Variants in IPO7 observed in about 807,000 individuals in gnomAD.
IPO7 encodes importin 7.
In IPO7, 13 loss-of-function variants were observed where a neutral mutation model predicts 136.4. The observed-to-expected ratio is 0.10, with a 90% confidence interval of 0.06 to 0.15. IPO7 has a LOEUF of 0.15. IPO7 is among the 10% of genes least tolerant of loss of function. The probability of loss-of-function intolerance (pLI) is 1.00; values close to 1 mark genes in which losing one functional copy is unlikely to be tolerated. For synonymous variants in IPO7, 403 were observed against 404.4 expected, an observed-to-expected ratio of 1.00 and a Z score of 0.04; for missense variants, 857 against 1,240.6, an observed-to-expected ratio of 0.69 and a Z score of 4.65.
intron 1 of IPO7, among the ~76,000 whole-genome samples, chr11:9,387,068 A>G (rs1302050385): frequency 6.6e-6 from 1 of 152,190 alleles, no homozygotes; most frequent in African/African-American, 2.4e-5. Context: ...TGGGAGACAG[A>G]TCTCAGACAA....
chr11:9,438,067 T>A lies in IPO7; in HGVS notation c.2490-13T>A. 2 of 1,394,844 alleles carry A rather than the reference T, an allele frequency of 1.4e-6. No homozygotes were observed. The highest frequency in any genetic ancestry group is 1.9e-6 in the Non-Finnish European group (2 of 1,038,772). 86.4% of individuals were successfully genotyped at this position (1,394,844 alleles called of 1,614,324 possible). ...ACAGTTTTTTTTTTTTTTTTTTTTT[T>A]TTTTTTTTTTAGGCTTCATGACAGA... On this transcript the variant is annotated splice_polypyrimidine_tract_variant and intron_variant, in intron 21 of 24. Transcript: ENST00000379719.
At chr11:9,445,049 A>AGTT (rs1234749529) in intron 24 of IPO7, 48 bp from the exon 25 acceptor site, 1 of 1,147,466 alleles carries the variant, frequency 8.7e-7, no homozygotes, top group South Asian at 1.2e-5. Context: ...TTTCTCACCA[A>AGTT]GTTAGTAGAT....
rs570666706 is a variant in IPO7, at chr11:9,403,094, C to G, written c.85-196C>G. On this transcript the variant is annotated intron_variant, in intron 1 of 24. Coordinates refer to ENST00000379719, the MANE Select transcript of IPO7 (RefSeq NM_006391.3). ...GTGCTATACAGGCTAATGAAAACATCCAAAAAGTTTTAGAATTTAAGTCAT... is the reference window on the plus strand; with the variant it reads ...GTGCTATACAGGCTAATGAAAACATGCAAAAAGTTTTAGAATTTAAGTCAT... The G allele has an allele frequency of 1.5e-4, 87 of 597,406 alleles. 1 individual carries two copies. The highest frequency in any genetic ancestry group is 2.4e-4 in the Non-Finnish European group (82 of 339,008). 37.0% of individuals were successfully genotyped at this position (597,406 alleles called of 1,614,324 possible). A position where few individuals can be genotyped will look rare whatever the true frequency, so the allele number is the denominator to read the frequency against.
intron 1 of IPO7, among the ~76,000 whole-genome samples, chr11:9,395,003 G>T (rs1279008606): frequency 1.3e-5 from 2 of 152,126 alleles, no homozygotes; most frequent in Non-Finnish European, 2.9e-5. Context: ...TGGTGCTTCA[G>T]TTCTATGCTA....
chr11:9,448,075 G>A lies in IPO7; in HGVS notation c.*2881G>A, dbSNP rs1196615119. On this transcript the variant is annotated 3_prime_UTR_variant, in exon 25 of 25. Transcript: ENST00000379719. ...GCAAAGATCTAACACAATGTCTTAA[G>A]TATAATAGGTAGTCTCTGTTTGTAA... The A allele has an allele frequency of 6.6e-6, 1 of 152,216 alleles. No individual in the cohort carries two copies. Among genetic ancestry groups the A allele is most frequent in the Non-Finnish European group, 1.5e-5 (1 of 68,036 alleles). The allele number at this position is 152,216 out of a possible 1,614,324, so 9.4% of individuals were successfully genotyped here. A position where few individuals can be genotyped will look rare whatever the true frequency, so the allele number is the denominator to read the frequency against.
chr11:9,422,822 G>GTA (rs1278158104), intron 8 of IPO7, among the ~76,000 whole-genome samples, 184 bp from the exon 9 acceptor site: 1 of 152,144 alleles, frequency 6.6e-6, no homozygotes, highest in East Asian at 1.9e-4. Context: ...AACGAAGATA[G>GTA]TATATAGTTT....
chr11:9,402,514 G>T lies in IPO7; in HGVS notation c.85-776G>T, dbSNP rs1854814818. Among the ~76,000 whole-genome samples the T allele has an allele frequency of 2.0e-5, 3 of 151,588 alleles. No individual in the cohort carries two copies. The East Asian group carries it at 5.8e-4, about 29-fold the overall frequency. ...CGAGGCGGGTGGATCACGAGGTCAG[G>T]AGTTCGAGACCAGCTTGGCCAATAT... On this transcript the variant is annotated intron_variant, in intron 1 of 24. Transcript: ENST00000379719.
Position 9,425,209 on chromosome 11 carries a change from A to G in IPO7, c.1282A>G (p.Lys428Glu). 1 of 1,612,530 alleles carries G rather than the reference A, an allele frequency of 6.2e-7. No individual in the cohort carries two copies. The highest frequency in any genetic ancestry group is 8.5e-7 in the Non-Finnish European group (1 of 1,179,368). ...TACAGAACCAAATGCTGACCCTCGA[A>G]AAAAAGATGGAGCCCTGCATATGAT... ...ILTEPNADPR[K>E]KDGALHMIGS... is the part of the protein sequence containing the mutation. Residue 428 changes from lysine to glutamate, a missense_variant, in exon 12 of 25, where the codon AAA becomes GAA. Lys to Glu is a moderately conservative substitution (Grantham distance 56). This residue lies in a region of IPO7 where 127 missense variants were observed against 222.4 expected (regional missense o/e 0.57). Coordinates refer to ENST00000379719, the MANE Select transcript of IPO7 (RefSeq NM_006391.3).
chr11:9,414,198 A>G (rs1301785548), intron 4 of IPO7, 57 bp from the exon 5 acceptor site: 6 of 1,266,944 alleles, frequency 4.7e-6, no homozygotes, highest in East Asian at 2.6e-5. Context: ...TAGTTTAAAT[A>G]TATATACAAT....
intron 24 of IPO7, among the ~76,000 whole-genome samples, chr11:9,443,627 G>A (rs1013669011): frequency 1.4e-5 from 2 of 143,076 alleles, no homozygotes; most frequent in Admixed American, 7.2e-5. Context: ...ACTTGGCCAG[G>A]CGTGGTGGCT....
rs1169885360 is a variant in IPO7 at position 9,446,721 on chromosome 11, A to G, written c.*1527A>G. The G allele has an allele frequency of 6.6e-6, 1 of 152,230 alleles. No individual in the cohort carries two copies. Among genetic ancestry groups the G allele is most frequent in the Non-Finnish European group, 1.5e-5 (1 of 68,042 alleles). The allele number at this position is 152,230 out of a possible 1,614,324, so 9.4% of individuals were successfully genotyped here. ...TATAACTGTAAAAACAAATGCACAT[A>G]TTGATATTTAAAATGCGTAATTAAG... On this transcript the variant is annotated 3_prime_UTR_variant, in exon 25 of 25. Coordinates refer to ENST00000379719, the MANE Select transcript of IPO7 (RefSeq NM_006391.3).
chr11:9,403,642 C>T (rs1854832530), intron 2 of IPO7: 5 of 354,018 alleles, frequency 1.4e-5, no homozygotes, highest in Non-Finnish European at 2.5e-5. Flanking sequence ...AGAGTCCTTC[C>T]CTGATGGGTG....
Position 9,408,655 on chromosome 11 carries a change from AT to A in IPO7, c.320+19del. On this transcript the variant is annotated intron_variant, in intron 3 of 24. Coordinates refer to ENST00000379719, the MANE Select transcript of IPO7 (RefSeq NM_006391.3). ...AGCTCATCAGGTATGTATTTTTAAA[AT>A]TTACCCATTTCTGCAGGTGTGTAAC... 1 of 1,466,652 alleles carries A rather than the reference AT, an allele frequency of 6.8e-7. No individual in the cohort carries two copies. Among genetic ancestry groups the A allele is most frequent in the Non-Finnish European group, 9.0e-7 (1 of 1,106,826 alleles). 90.9% of individuals were successfully genotyped at this position (1,466,652 alleles called of 1,614,324 possible).
chr11:9,413,539 T>C (rs1240185642), intron 4 of IPO7, among the ~76,000 whole-genome samples: 1 of 152,144 alleles, frequency 6.6e-6, no homozygotes, highest in Admixed American at 6.5e-5. Flanking sequence ...TTTCCTCATT[T>C]ATTATGAGGT....
chr11:9,431,800 C>A (rs1050066364), intron 16 of IPO7, among the ~76,000 whole-genome samples: 4 of 151,952 alleles, frequency 2.6e-5, no homozygotes, highest in Admixed American at 1.3e-4. Flanking sequence ...GTGGTGAAAC[C>A]CCTGTCTCTA....
At chr11:9,403,102 T>C (rs1854825547) in intron 1 of IPO7, 188 bp from the exon 2 acceptor site, 2 of 609,146 alleles carry the variant, frequency 3.3e-6, no homozygotes, top group African/African-American at 3.7e-5. Context: ...ATCCAAAAAG[T>C]TTTAGAATTT....
rs1854833908 is a variant in IPO7 at position 9,403,742 on chromosome 11, A to C, written c.166+371A>C. Among the ~76,000 whole-genome samples the C allele has an allele frequency of 2.0e-5, 3 of 152,204 alleles. No homozygotes were observed. The South Asian group carries it at 6.2e-4, about 31-fold the overall frequency. ...TTAACAGTTTAAAAAGTATTATACTATTTTTAGTTCCTGTTCAACATATTG... is the reference window on the plus strand; with the variant it reads ...TTAACAGTTTAAAAAGTATTATACTCTTTTTAGTTCCTGTTCAACATATTG... On this transcript the variant is annotated intron_variant, in intron 2 of 24. Transcript: ENST00000379719.
At chr11:9,428,049 G>T (rs1161736366) in intron 12 of IPO7, among the ~76,000 whole-genome samples, 3 of 152,044 alleles carry the variant, frequency 2.0e-5, no homozygotes, top group Non-Finnish European at 2.9e-5. Context: ...GAATCTGGGA[G>T]GTGGACATTG....
chr11:9,446,029 A>G lies in IPO7; in HGVS notation c.*835A>G, dbSNP rs778077503. On this transcript the variant is annotated 3_prime_UTR_variant, in exon 25 of 25. Coordinates refer to ENST00000379719, the MANE Select transcript of IPO7 (RefSeq NM_006391.3). ...TATTTCATTGCTGCTAAAAATGACA[A>G]CTCCCTCTGTGTCCTGTTTTTCTTA... 2 of 151,854 alleles carry G rather than the reference A, an allele frequency of 1.3e-5. No individual in the cohort carries two copies. The highest frequency in any genetic ancestry group is 4.8e-5 in the African/African-American group (2 of 41,302). 9.4% of individuals were successfully genotyped at this position (151,854 alleles called of 1,614,324 possible).
Sources: allele counts gnomAD v4.1 joint callset (sites outside exome capture counted in the v4.1 genomes callset), GRCh38; gene constraint gnomAD v4.1.1; regional missense constraint gnomAD v4.1.1; transcripts MANE v1.5; gene names NCBI Gene and HGNC (gene_info 2026-07-23, HGNC 2026-07-21).